The following FHOD3 variants were observed in gnomAD, a reference collection of about 807,000 sequenced individuals.
FHOD3 encodes the protein FH1/FH2 domain-containing protein 3.
In FHOD3, 90 loss-of-function variants were observed where a neutral mutation model predicts 173.0. That is an observed-to-expected ratio of 0.52 (90% CI 0.44 to 0.62). The LOEUF is 0.62. FHOD3 is among the 20% of genes least tolerant of loss of function. FHOD3 has a pLI of 0.00. For missense variants in FHOD3, 1,945 were observed against 2,034.7 expected, an observed-to-expected ratio of 0.96 and a Z score of 0.85; for synonymous variants, 828 against 823.0, an observed-to-expected ratio of 1.01 and a Z score of -0.10.
chr18:36,778,445 T>G (rs2043850642), intron 28 of FHOD3: 1 of 152,312 alleles, frequency 6.6e-6, no homozygotes, highest in South Asian at 2.1e-4. Flanking sequence ...ACACAGTGGG[T>G]CAAATACAAT....
chr18:36,570,797 ATTT>A (rs1361705659), intron 5 of FHOD3, among the ~76,000 whole-genome samples: 1 of 152,176 alleles, frequency 6.6e-6, no homozygotes, highest in Non-Finnish European at 1.5e-5. Context: ...TAGAAGAAGC[ATTT>A]GACAAAATTC....
intron 7 of FHOD3, among the ~76,000 whole-genome samples, chr18:36,598,831 G>A (rs2030909140): frequency 6.6e-6 from 1 of 152,202 alleles, no homozygotes; most frequent in South Asian, 2.1e-4. Flanking sequence ...TTACAGGCGT[G>A]AGCCACCGCG....
intron 5 of FHOD3, 32 bp from the exon 6 acceptor site, chr18:36,576,419 A>G (rs768254441): frequency 6.6e-7 from 1 of 1,504,590 alleles, no homozygotes. Context: ...ATATACATCT[A>G]TAATGTCTCC....
chr18:36,684,321 CTT>C (rs911241618), intron 15 of FHOD3, among the ~76,000 whole-genome samples: 2 of 151,980 alleles, frequency 1.3e-5, no homozygotes, highest in African/African-American at 4.8e-5. Flanking sequence ...TCCAAAATAA[CTT>C]ATCATAAAAA....
At chr18:36,613,223 A>G (rs966208579) in intron 9 of FHOD3, among the ~76,000 whole-genome samples, 22 of 152,246 alleles carry the variant, frequency 1.4e-4, no homozygotes, top group African/African-American at 5.3e-4. Flanking sequence ...GCACATGAGC[A>G]GCAAGGAATG....
At chr18:36,490,477 G>T (rs753378851) in intron 3 of FHOD3, among the ~76,000 whole-genome samples, 12 of 152,172 alleles carry the variant, frequency 7.9e-5, no homozygotes, top group Non-Finnish European at 4.4e-5. Flanking sequence ...CAGACCAAAT[G>T]GGTGTGGAAC....
At chr18:36,405,180 C>G (rs2049000585) in intron 3 of FHOD3, among the ~76,000 whole-genome samples, 1 of 152,210 alleles carries the variant, frequency 6.6e-6, no homozygotes, top group Admixed American at 6.5e-5. Flanking sequence ...GCTGAAAGTT[C>G]AGGGTTAAAT....
At chr18:36,375,535 G>T (rs2047398365) in intron 3 of FHOD3, among the ~76,000 whole-genome samples, 1 of 152,180 alleles carries the variant, frequency 6.6e-6, no homozygotes, top group South Asian at 2.1e-4. Context: ...CTTCATTCCT[G>T]TTTTTATTAA....
chr18:36,740,442 T>G (rs1379828057), intron 20 of FHOD3, among the ~76,000 whole-genome samples: 1 of 152,198 alleles, frequency 6.6e-6, no homozygotes, highest in South Asian at 2.1e-4. Flanking sequence ...CTCTCACCTC[T>G]CATCTCCCTT....
chr18:36,721,704 A>G (rs993097471), intron 19 of FHOD3, among the ~76,000 whole-genome samples: 11 of 152,218 alleles, frequency 7.2e-5, no homozygotes, highest in Admixed American at 6.5e-4. Context: ...TCCATTTTGC[A>G]TATGTTACCA....
chr18:36,447,860 A>G (rs2051589166), intron 3 of FHOD3, among the ~76,000 whole-genome samples: 1 of 152,206 alleles, frequency 6.6e-6, no homozygotes, highest in African/African-American at 2.4e-5. Flanking sequence ...ATTGCCTTAT[A>G]AGCACATTAA....
intron 3 of FHOD3, among the ~76,000 whole-genome samples, chr18:36,432,770 G>A (rs2050620509): frequency 6.6e-6 from 1 of 152,240 alleles, no homozygotes; most frequent in African/African-American, 2.4e-5. Context: ...AACAATGGGT[G>A]CGTCTTGACT....
At chr18:36,603,036 ACAG>A (rs1398735740) in intron 8 of FHOD3, among the ~76,000 whole-genome samples, 2,132 of 152,314 alleles carry the variant, frequency 0.014, 50 homozygotes, top group African/African-American at 0.049. Context: ...AGGGAACGCC[ACAG>A]ATTGTTGGCT....
chr18:36,540,801 T>A (rs1052703335), intron 5 of FHOD3, among the ~76,000 whole-genome samples: 3 of 152,182 alleles, frequency 2.0e-5, no homozygotes, highest in Admixed American at 2.0e-4. Flanking sequence ...GGGCCTATGT[T>A]GTGGGGCAGG....
chr18:36,391,328 C>A (rs1031596196), intron 3 of FHOD3, among the ~76,000 whole-genome samples: 1 of 152,138 alleles, frequency 6.6e-6, no homozygotes, highest in African/African-American at 2.4e-5. Context: ...TAGGATTGGT[C>A]TGTTCCTGGA....
At chr18:36,570,524 A>G (rs1233783323) in intron 5 of FHOD3, among the ~76,000 whole-genome samples, 1 of 152,160 alleles carries the variant, frequency 6.6e-6, no homozygotes, top group East Asian at 1.9e-4. Flanking sequence ...GAAGAGGAGG[A>G]AACACTTCCC....
chr18:36,329,628 G>T (rs949526609), intron 1 of FHOD3, among the ~76,000 whole-genome samples: 2 of 152,190 alleles, frequency 1.3e-5, no homozygotes, highest in African/African-American at 4.8e-5. Context: ...ATGTGACTGG[G>T]GGATGCAGAA....
At chr18:36,360,216 G>C (rs1446654034) in intron 2 of FHOD3, among the ~76,000 whole-genome samples, 1 of 152,264 alleles carries the variant, frequency 6.6e-6, no homozygotes, top group Non-Finnish European at 1.5e-5. Context: ...CCAGGTGGGA[G>C]TGTGGCTTGA....
chr18:36,749,972 C>A (rs912814699), intron 24 of FHOD3, among the ~76,000 whole-genome samples: 1 of 151,204 alleles, frequency 6.6e-6, no homozygotes, highest in Non-Finnish European at 1.5e-5. Context: ...TCTTGTTGGT[C>A]ACATGTATGT....
Sources: allele counts gnomAD v4.1 joint callset (sites outside exome capture counted in the v4.1 genomes callset), GRCh38; gene constraint gnomAD v4.1.1; transcripts MANE v1.5; gene names NCBI Gene and HGNC (gene_info 2026-07-23, HGNC 2026-07-21).